The following ANK2 variants were observed in gnomAD, a reference collection of about 807,000 sequenced individuals.
ANK2 encodes ankyrin 2.
In ANK2, 83 loss-of-function variants were observed where a neutral mutation model predicts 360.5. The observed-to-expected ratio is 0.23, with a 90% confidence interval of 0.19 to 0.28. ANK2 has a LOEUF of 0.28. Ranked by LOEUF, ANK2 falls within the 10% of genes least tolerant of loss-of-function variation. ANK2 has a pLI of 1.00. For missense variants in ANK2, 4,201 were observed against 4,795.7 expected (o/e 0.88, Z 3.66); for synonymous variants, 1,740 against 1,759.5 (o/e 0.99, Z 0.28).
At chr4:112,988,120 A>G (rs2045563722) in intron 2 of ANK2, among the ~76,000 whole-genome samples, 1 of 150,108 alleles carries the variant, frequency 6.7e-6, no homozygotes, top group Admixed American at 6.6e-5. Context: ...ATAGCTATGT[A>G]AGTGGGGCTG....
chr4:113,354,964 G>T lies in ANK2; in HGVS notation c.6346G>T (p.Ala2116Ser). The T allele has an allele frequency of 6.2e-7, 1 of 1,614,054 alleles. No individual in the cohort carries two copies. The highest frequency in any genetic ancestry group is 8.5e-7 in the Non-Finnish European group (1 of 1,179,978). The part of the protein sequence containing the change: ...RESEVPKEKM[A>S]DEQGDMDLQI... ...GAGCGAAGTGCCCAAAGAAAAGATG[G>T]CTGATGAGCAGGGAGACATGGATCT... is the stretch of plus-strand genomic sequence containing the variant. The change falls in exon 38 of 46, where the codon GCT (alanine) becomes TCT (serine). Residue 2116 changes from alanine to serine, a missense_variant. Ala to Ser is a moderately conservative substitution (Grantham distance 99). Transcript: ENST00000357077.
chr4:112,754,417 T>C, the ANK2 span, among the ~76,000 whole-genome samples: 111,074 of 151,074 alleles, frequency 0.74, 41,525 homozygotes, highest in East Asian at 0.97. Context: ...TGATCTGAAG[T>C]TTCTTATAAA....
At chr4:112,717,264 C>T in the ANK2 span, among the ~76,000 whole-genome samples, 1 of 152,230 alleles carries the variant, frequency 6.6e-6, no homozygotes, top group African/African-American at 2.4e-5. Context: ...AGTGTATTAT[C>T]TAATATATAT....
At chr4:113,285,286 G>A (rs2063983961) in intron 18 of ANK2, among the ~76,000 whole-genome samples, 1 of 152,034 alleles carries the variant, frequency 6.6e-6, no homozygotes, top group African/African-American at 2.4e-5. Flanking sequence ...ACCAGCTGGT[G>A]TCCTCCAATT....
At chr4:113,100,227 A>T (rs1177047062) in intron 1 of ANK2, among the ~76,000 whole-genome samples, 2 of 152,100 alleles carry the variant, frequency 1.3e-5, no homozygotes, top group South Asian at 2.1e-4. Flanking sequence ...CAAAACACAT[A>T]TCTGATAAAT....
In ANK2 at chr4:113,357,113, C is replaced by A. The variant is rs758576071; in HGVS notation, c.8495C>A (p.Ala2832Glu). 2 of 1,614,078 alleles carry A rather than the reference C, an allele frequency of 1.2e-6. No homozygotes were observed. The highest frequency in any genetic ancestry group is 1.3e-5 in the African/African-American group (1 of 75,032). Reference protein sequence around the residue: ...TEGEELDVSRAESPQADCPSE... With the variant: ...TEGEELDVSREESPQADCPSE... ...GGAGAAGAGCTTGATGTTTCTAGAG[C>A]AGAATCTCCACAAGCAGATTGCCCC... is the stretch of plus-strand genomic sequence containing the variant. Residue 2832 changes from alanine (A) to glutamate (E), a missense_variant, in exon 38 of 46, where the codon GCA becomes GAA. Physicochemically the swap from Ala to Glu is moderately radical, Grantham distance 107 (BLOSUM62 -1). Around this residue, in one of 4 missense-constraint regions of ANK2, gnomAD observed 2,642 missense variants for 2,714.5 expected, o/e 0.97. Coordinates refer to ENST00000357077, the MANE Select transcript of ANK2 (RefSeq NM_001148.6).
chr4:113,129,374 G>A (rs1190770236), intron 1 of ANK2, among the ~76,000 whole-genome samples: 1 of 152,126 alleles, frequency 6.6e-6, no homozygotes, highest in Non-Finnish European at 1.5e-5. Context: ...TCATCATAGA[G>A]GGAAAAAGTT....
chr4:113,367,770 A>C lies in ANK2; in HGVS notation c.11237A>C (p.Lys3746Thr). The C allele has an allele frequency of 6.2e-7, 1 of 1,614,130 alleles. No homozygotes were observed. Among genetic ancestry groups the C allele is most frequent in the Non-Finnish European group, 8.5e-7 (1 of 1,180,004 alleles). The change falls in exon 42 of 46, where the codon AAG (lysine) becomes ACG (threonine). Residue 3746 changes from lysine to threonine, a missense_variant. By Grantham distance (78) the Lys-to-Thr change is moderately conservative. Around this residue, in one of 4 missense-constraint regions of ANK2, gnomAD observed 2,642 missense variants for 2,714.5 expected, o/e 0.97. Coordinates refer to ENST00000357077, the MANE Select transcript of ANK2 (RefSeq NM_001148.6). ...ACAGCACTCTTTCCCCAAACTCACA[A>C]GGAGCAAGTTCAACAGGATTTCTCA... ...SATALFPQTH[K>T]EQVQQDFSGK...
At chr4:112,728,292 C>CA in the ANK2 span, among the ~76,000 whole-genome samples, 2,396 of 40,070 alleles carry the variant, frequency 0.06, 527 homozygotes, top group East Asian at 0.36. Context: ...GACTCTGTCT[C>CA]AAAAAAAAAA....
At chr4:113,246,494 A>G (rs1403928786) in intron 9 of ANK2, among the ~76,000 whole-genome samples, 1 of 152,354 alleles carries the variant, frequency 6.6e-6, no homozygotes, top group East Asian at 1.9e-4. Context: ...TAAATTTTAT[A>G]GCTAGTGAAA....
At chr4:112,788,779 C>T in the ANK2 span, 1 of 1,423,418 alleles carries the variant, frequency 7.0e-7, no homozygotes, top group Non-Finnish European at 9.8e-7. Flanking sequence ...TTAGGCCTTT[C>T]CTCAAACAGG....
the ANK2 span, among the ~76,000 whole-genome samples, chr4:112,723,657 C>T: frequency 6.6e-6 from 1 of 152,168 alleles, no homozygotes; most frequent in Non-Finnish European, 1.5e-5. Flanking sequence ...AGCCACCGCC[C>T]CCGGCAAGAT....
At chr4:112,807,031 C>T in the ANK2 span, among the ~76,000 whole-genome samples, 34 of 152,262 alleles carry the variant, frequency 2.2e-4, no homozygotes, top group East Asian at 6.6e-3. Flanking sequence ...ATTTCCAACT[C>T]TCTTCTATCG....
chr4:113,374,977 G>T, intron 45 of ANK2: 2 of 1,056,090 alleles, frequency 1.9e-6, no homozygotes, highest in Non-Finnish European at 2.3e-6. Context: ...GTCTTTTTAT[G>T]TGTGTGTTTT....
chr4:113,074,081 T>C (rs2078913079), intron 1 of ANK2, among the ~76,000 whole-genome samples: 1 of 152,192 alleles, frequency 6.6e-6, no homozygotes, highest in South Asian at 2.1e-4. Context: ...TTTCAAAATT[T>C]TTTTACGTGA....
intron 23 of ANK2, among the ~76,000 whole-genome samples, chr4:113,305,510 G>A (rs2076907465): frequency 6.6e-6 from 1 of 152,078 alleles, no homozygotes; most frequent in Non-Finnish European, 1.5e-5. Flanking sequence ...TATCTTTTGT[G>A]GCAAGAGAAG....
chr4:112,833,757 C>G (rs1299696397), intron 1 of ANK2, among the ~76,000 whole-genome samples: 1 of 152,212 alleles, frequency 6.6e-6, no homozygotes, highest in African/African-American at 2.4e-5. Flanking sequence ...CCCGCCTCGG[C>G]CTTCCAAAGT....
chr4:112,762,933 A>G, the ANK2 span, among the ~76,000 whole-genome samples: 1 of 152,266 alleles, frequency 6.6e-6, no homozygotes, highest in Admixed American at 6.5e-5. Context: ...GCAATAATTT[A>G]CTGTTAAAAC....
Position 113,340,269 on chromosome 4 carries a change from C to T in ANK2, c.3893+947C>T, listed in dbSNP as rs114617711. Among the ~76,000 whole-genome samples the T allele has an allele frequency of 2.8e-3, 432 of 152,046 alleles. 5 individuals are homozygous for T. Among genetic ancestry groups the T allele is most frequent in the African/African-American group, 9.8e-3 (406 of 41,464 alleles). On this transcript the variant is annotated intron_variant, in intron 32 of 45. Coordinates refer to ENST00000357077, the MANE Select transcript of ANK2 (RefSeq NM_001148.6). ...AGAGGGTATCTGAGAAGAGGTGACT[C>T]GAGACATGTGTTGGAACCTAATAGG...
Sources: allele counts gnomAD v4.1 joint callset (sites outside exome capture counted in the v4.1 genomes callset), GRCh38; gene constraint gnomAD v4.1.1; regional missense constraint gnomAD v4.1.1; transcripts MANE v1.5; gene names NCBI Gene and HGNC (gene_info 2026-07-23, HGNC 2026-07-21).